ANK3: variants seen among roughly 807,000 people sequenced by gnomAD.
The protein encoded by ANK3 is ankyrin 3.
A neutral mutation model predicts 370.9 loss-of-function variants in ANK3; 57 were observed. That is an observed-to-expected ratio of 0.15 (90% CI 0.12 to 0.19). The LOEUF (loss-of-function observed/expected upper bound fraction) is 0.19. ANK3 is among the 10% of genes least tolerant of loss of function. The probability of loss-of-function intolerance (pLI) is 1.00; values close to 1 mark genes in which losing one functional copy is unlikely to be tolerated. For missense variants in ANK3, 4,439 were observed against 5,302.1 expected, an observed-to-expected ratio of 0.84 and a Z score of 5.06; for synonymous variants, 1,929 against 1,946.3, an observed-to-expected ratio of 0.99 and a Z score of 0.23.
At chr10:60,563,180 T>C (rs1229950242) in intron 2 of ANK3, among the ~76,000 whole-genome samples, 1 of 152,180 alleles carries the variant, frequency 6.6e-6, no homozygotes, top group Non-Finnish European at 1.5e-5. Flanking sequence ...CTGGTCCAAA[T>C]GTTCAGATTT....
rs537152582 is a variant in ANK3 at position 60,321,259 on chromosome 10, A to C, written c.115-41620T>G. On this transcript the variant is annotated intron_variant, in intron 1 of 43. Coordinates refer to ENST00000280772, the MANE Select transcript of ANK3 (RefSeq NM_020987.5). ...AAAAATTAGCCAGCGTTGGTGGCAC[A>C]CATCTGTGGTCCCAGCTACTCAAGA... Among the ~76,000 whole-genome samples the C allele has an allele frequency of 2.0e-5, 3 of 152,122 alleles. No individual in the cohort carries two copies. In the South Asian group the frequency reaches 6.2e-4, roughly 32 times the overall value.
At chr10:60,728,583 T>A (rs967665585) in intron 1 of ANK3, among the ~76,000 whole-genome samples, 1 of 152,242 alleles carries the variant, frequency 6.6e-6, no homozygotes, top group Non-Finnish European at 1.5e-5. Context: ...TAAATTTTTT[T>A]AAATCGTAGA....
chr10:60,467,756 G>A (rs1191838873), intron 2 of ANK3, among the ~76,000 whole-genome samples: 2 of 151,864 alleles, frequency 1.3e-5, no homozygotes, highest in Admixed American at 6.6e-5. Context: ...TTTCAGAGAA[G>A]AACAGGTAAT....
chr10:60,629,746 TA>T (rs2078457495), intron 1 of ANK3, among the ~76,000 whole-genome samples: 1 of 152,078 alleles, frequency 6.6e-6, no homozygotes, highest in Non-Finnish European at 1.5e-5. Flanking sequence ...AAATCTTTTA[TA>T]AAAAAAGAAT....
intron 1 of ANK3, among the ~76,000 whole-genome samples, chr10:60,334,222 T>C (rs1459265308): frequency 6.6e-6 from 1 of 152,170 alleles, no homozygotes; most frequent in African/African-American, 2.4e-5. Flanking sequence ...CTTAATACAA[T>C]GAATATGGGC....
chr10:60,324,092 G>T (rs921488537), intron 1 of ANK3, among the ~76,000 whole-genome samples: 1 of 152,138 alleles, frequency 6.6e-6, no homozygotes, highest in Non-Finnish European at 1.5e-5. Flanking sequence ...AAGAAGACAG[G>T]GGACAAGCAT....
In ANK3 at chr10:60,157,678, C is replaced by T. The variant is rs10994225; in HGVS notation, c.2614+8913G>A. On this transcript the variant is annotated intron_variant, in intron 23 of 43. Transcript: ENST00000280772. ...AAACTTAATTGACAAACTAAAAATG[C>T]ATCAGTTTCTCAATAGCAGAATGGA... Among the ~76,000 whole-genome samples, 1,297 of 151,720 alleles carry T rather than the reference C, an allele frequency of 8.5e-3. 16 individuals are homozygous for T. The highest frequency in any genetic ancestry group is 0.029 in the African/African-American group (1,205 of 41,322).
chr10:60,121,741 T>C (rs1243698221), intron 25 of ANK3, among the ~76,000 whole-genome samples: 1 of 150,014 alleles, frequency 6.7e-6, no homozygotes, highest in Non-Finnish European at 1.5e-5. Context: ...TACAACAGAG[T>C]GACTACAGTC....
At chr10:60,464,864 C>T (rs765933956) in intron 2 of ANK3, among the ~76,000 whole-genome samples, 1 of 152,216 alleles carries the variant, frequency 6.6e-6, no homozygotes, top group Non-Finnish European at 1.5e-5. Context: ...CCTTAGCCTG[C>T]TGCATTCATT....
chr10:60,626,121 G>A (rs773757529), intron 1 of ANK3, among the ~76,000 whole-genome samples: 8 of 152,100 alleles, frequency 5.3e-5, no homozygotes, highest in Non-Finnish European at 1.0e-4. Flanking sequence ...TAAAGGCATA[G>A]AACAAAACAG....
rs1180329294 is a variant in ANK3 at position 60,315,452 on chromosome 10, C to A, written c.115-35813G>T. 2.0e-5 allele frequency among the ~76,000 whole-genome samples: 3 copies of A among 152,156 alleles called. No homozygotes were observed. In the East Asian group the frequency reaches 5.8e-4, roughly 29 times the overall value. ...ACCCAAGAAGAAGTTGGGCATAGAA[C>A]CCAGCCAGAGCTCACTAAGGTTGCA... On this transcript the variant is annotated intron_variant, in intron 1 of 43. Transcript: ENST00000280772.
intron 2 of ANK3, among the ~76,000 whole-genome samples, chr10:60,428,215 C>T (rs1056140965): frequency 6.6e-6 from 1 of 152,182 alleles, no homozygotes; most frequent in African/African-American, 2.4e-5. Flanking sequence ...ACAAGCACAT[C>T]AAAACATGAA....
Position 60,172,278 on chromosome 10 carries a change from G to A in ANK3, c.2478+30C>T, listed in dbSNP as rs775883523. ...AAAACTGGCTGAAAGCTGGCTCCTA[G>A]GGTAACAAGGTTCTGCATTCCTTAC... On this transcript the variant is annotated intron_variant, in intron 21 of 43. Coordinates refer to ENST00000280772, the MANE Select transcript of ANK3 (RefSeq NM_020987.5). 5.7e-6 allele frequency: 9 copies of A among 1,572,632 alleles called. No homozygotes were observed. In the South Asian group the frequency reaches 9.0e-5, roughly 16 times the overall value.
chr10:60,330,118 C>T (rs113554500), intron 1 of ANK3, among the ~76,000 whole-genome samples: 1,776 of 152,276 alleles, frequency 0.012, 14 homozygotes, highest in Middle Eastern at 0.027. Context: ...TTGCTTACAC[C>T]TTATACAAAA....
At chr10:60,701,583 T>G (rs2079546596) in intron 1 of ANK3, among the ~76,000 whole-genome samples, 1 of 152,232 alleles carries the variant, frequency 6.6e-6, no homozygotes, top group South Asian at 2.1e-4. Context: ...CATTTATTGC[T>G]GCTGTGACTT....
intron 1 of ANK3, among the ~76,000 whole-genome samples, chr10:60,715,123 A>AGAAG (rs1419293035): frequency 1.4e-5 from 1 of 73,560 alleles, no homozygotes; most frequent in Admixed American, 1.7e-4. Flanking sequence ...TTTCTACTCC[A>AGAAG]TTTTTCTGTA....
intron 2 of ANK3, among the ~76,000 whole-genome samples, chr10:60,429,657 G>A (rs1041797503): frequency 1.1e-4 from 16 of 152,098 alleles, no homozygotes; most frequent in Non-Finnish European, 4.4e-5. Context: ...GCCCTGGCTT[G>A]GCTCCCAACT....
Position 60,081,124 on chromosome 10 carries a change from G to A in ANK3, c.4351-506C>T, listed in dbSNP as rs2085117348. Among the ~76,000 whole-genome samples the A allele has an allele frequency of 2.6e-5, 4 of 152,146 alleles. No individual in the cohort carries two copies. In the South Asian group the frequency reaches 8.3e-4, roughly 31 times the overall value. ...AGGGTAGGGACGGAGTCTTGCTCTT[G>A]TAGCCCAGGCTGGAGTACAGTGGTG... On this transcript the variant is annotated intron_variant, in intron 35 of 43. Transcript: ENST00000280772.
chr10:60,205,977 G>T, intron 10 of ANK3, 87 bp from the exon 11 acceptor site: 3 of 844,570 alleles, frequency 3.6e-6, no homozygotes, highest in Non-Finnish European at 2.0e-6. Flanking sequence ...TTGCTAAAAT[G>T]ATGTGTGGTA....
Sources: allele counts gnomAD v4.1 joint callset (sites outside exome capture counted in the v4.1 genomes callset), GRCh38; gene constraint gnomAD v4.1.1; transcripts MANE v1.5; gene names NCBI Gene and HGNC (gene_info 2026-07-23, HGNC 2026-07-21).